The following MCF2L variants were observed in gnomAD, a reference collection of about 807,000 sequenced individuals.
MCF2L encodes the protein guanine nucleotide exchange factor DBS.
A neutral mutation model predicts 153.4 loss-of-function variants in MCF2L; 97 were observed. That is an observed-to-expected ratio of 0.63 (90% confidence interval 0.54 to 0.75). The LOEUF (loss-of-function observed/expected upper bound fraction) is 0.75. Ranked by LOEUF, MCF2L falls within the 30% of genes least tolerant of loss-of-function variation. The pLI, the probability that MCF2L is intolerant of heterozygous loss-of-function variation, is 0.00. For missense variants in MCF2L, 1,347 were observed against 1,495.2 expected (o/e 0.90, Z 1.64); for synonymous variants, 659 against 632.2 (o/e 1.04, Z -0.64).
intron 2 of MCF2L, among the ~76,000 whole-genome samples, chr13:112,933,125 GCCGACAGCCTTCTGGGAGA>G (rs2081480472): frequency 6.6e-6 from 1 of 152,220 alleles, no homozygotes. Context: ...GGAGTGCTGG[GCCGACAGCCTTCTGGGAGA>G]CCCACAGCCT....
chr13:112,975,613 G>A (rs551011896), intron 1 of MCF2L, among the ~76,000 whole-genome samples: 1 of 152,382 alleles, frequency 6.6e-6, no homozygotes, highest in Admixed American at 6.5e-5. Context: ...CCCGCCATGA[G>A]CACCTGTGCA....
rs2035814125 is a variant in MCF2L, at chr13:113,098,748, A to G, written c.*1889A>G. On this transcript the variant is annotated 3_prime_UTR_variant, in exon 30 of 30. Transcript: ENST00000535094. ...ACGGCGATGATGACAAAATAGCAAC[A>G]AGGTTGTGCGTGTCAGAAACGCAAA... The G allele has an allele frequency of 6.6e-6, 1 of 152,270 alleles. No homozygotes were observed. Among genetic ancestry groups the G allele is most frequent in the Non-Finnish European group, 1.5e-5 (1 of 68,044 alleles). 9.4% of individuals were successfully genotyped at this position (152,270 alleles called of 1,614,324 possible).
At chr13:113,019,375 A>G (rs755568186) in intron 2 of MCF2L, among the ~76,000 whole-genome samples, 11 of 152,176 alleles carry the variant, frequency 7.2e-5, no homozygotes, top group Non-Finnish European at 1.3e-4. Flanking sequence ...CCAACCTGGG[A>G]GGACCGATCC....
At chr13:112,922,616 T>C (rs2081363833) in intron 2 of MCF2L, among the ~76,000 whole-genome samples, 1 of 152,094 alleles carries the variant, frequency 6.6e-6, no homozygotes, top group Non-Finnish European at 1.5e-5. Flanking sequence ...GCAGATTGCC[T>C]GAGCTCAGGA....
intron 4 of MCF2L, among the ~76,000 whole-genome samples, chr13:113,057,928 GTTGGGTGCTGAGTGT>G (rs1406200957): frequency 2.1e-5 from 3 of 141,832 alleles, no homozygotes; most frequent in Non-Finnish European, 4.6e-5. Flanking sequence ...GGTGCTGAGT[GTTGGGTGCTGAGTGT>G]TTGGGTGCTG....
At chr13:112,978,227 C>G (rs775934381) in intron 1 of MCF2L, among the ~76,000 whole-genome samples, 3 of 152,238 alleles carry the variant, frequency 2.0e-5, no homozygotes, top group Non-Finnish European at 4.4e-5. Flanking sequence ...TTCGTGGTCT[C>G]TGCTCCTGGG....
At chr13:113,012,055 CA>C (rs2084171040) in intron 1 of MCF2L, among the ~76,000 whole-genome samples, 1 of 109,452 alleles carries the variant, frequency 9.1e-6, no homozygotes, top group African/African-American at 3.3e-5. Context: ...GTGGACACTG[CA>C]GTGTGAATGG....
rs1594578702 is a variant in MCF2L at position 113,001,696 on chromosome 13, C to T, written c.80-13067C>T. 18 of 1,351,464 alleles carry T rather than the reference C, an allele frequency of 1.3e-5. No homozygotes were observed. The Admixed American group carries it at 1.5e-4, about 11-fold the overall frequency. 83.7% of individuals were successfully genotyped at this position (1,351,464 alleles called of 1,614,324 possible). A position where few individuals can be genotyped will look rare whatever the true frequency, so the allele number is the denominator to read the frequency against. ...GCTGCCTGCAGCAGGATAAGTGAGC[C>T]GATGCTGCTCCTTAATCAGGGACAT... On this transcript the variant is annotated intron_variant, in intron 1 of 29. Transcript: ENST00000535094.
At chr13:112,942,153 C>G (rs2081581726) in intron 2 of MCF2L, among the ~76,000 whole-genome samples, 1 of 152,228 alleles carries the variant, frequency 6.6e-6, no homozygotes, top group Non-Finnish European at 1.5e-5. Flanking sequence ...ATCTGGAGGC[C>G]TAACCGTCTC....
At chr13:113,063,322 G>T (rs1414652077) in intron 5 of MCF2L, among the ~76,000 whole-genome samples, 1 of 152,124 alleles carries the variant, frequency 6.6e-6, no homozygotes, top group African/African-American at 2.4e-5. Context: ...CATCCGCTCA[G>T]CTGCCTACAG....
intron 1 of MCF2L, chr13:113,009,241 C>G (rs1304229282): frequency 6.6e-6 from 1 of 152,238 alleles, no homozygotes; most frequent in Non-Finnish European, 1.5e-5. Context: ...TCCCTGATCA[C>G]CGCTTCTTTT....
intron 2 of MCF2L, among the ~76,000 whole-genome samples, chr13:112,933,128 G>A (rs3011485): frequency 6.6e-6 from 1 of 152,262 alleles, no homozygotes; most frequent in South Asian, 2.1e-4. Context: ...GTGCTGGGCC[G>A]ACAGCCTTCT....
At chr13:112,954,105 C>T (rs1309452300) in intron 2 of MCF2L, among the ~76,000 whole-genome samples, 1 of 152,196 alleles carries the variant, frequency 6.6e-6, no homozygotes, top group African/African-American at 2.4e-5. Context: ...GGAATGTGCA[C>T]TCATCCTGGG....
intron 7 of MCF2L, 107 bp from the exon 8 acceptor site, chr13:113,065,939 T>C: frequency 8.1e-7 from 1 of 1,228,896 alleles, no homozygotes. Context: ...GATTGACCCC[T>C]TCCTCAGTCC....
intron 2 of MCF2L, among the ~76,000 whole-genome samples, chr13:112,962,020 C>T (rs890144943): frequency 6.6e-6 from 1 of 151,560 alleles, no homozygotes; most frequent in African/African-American, 2.4e-5. Flanking sequence ...TACACATGGG[C>T]TCACACCCAG....
chr13:113,087,890 T>C (rs1320188041), intron 23 of MCF2L, 91 bp downstream of exon 23: 2 of 1,141,998 alleles, frequency 1.8e-6, no homozygotes, highest in East Asian at 4.9e-5. Context: ...TGAAGTTGCA[T>C]CGAGCCCAGG....
chr13:113,050,959 G>C (rs972098657), intron 4 of MCF2L, among the ~76,000 whole-genome samples: 3 of 152,054 alleles, frequency 2.0e-5, no homozygotes, highest in African/African-American at 7.2e-5. Flanking sequence ...TGCCCCTCTC[G>C]GAAGAGGCGA....
chr13:112,946,404 T>A (rs1240694691), intron 2 of MCF2L, among the ~76,000 whole-genome samples: 2 of 152,234 alleles, frequency 1.3e-5, no homozygotes, highest in Non-Finnish European at 2.9e-5. Flanking sequence ...TTTGTTTAAT[T>A]TTTAAAACCT....
intron 1 of MCF2L, among the ~76,000 whole-genome samples, chr13:113,005,311 C>T (rs756164974): frequency 8.5e-5 from 13 of 152,318 alleles, no homozygotes; most frequent in East Asian, 1.9e-4. Flanking sequence ...GTGTCAGAGA[C>T]GCCGACAAGC....
Sources: gnomAD v4.1 joint callset for allele counts (sites outside exome capture counted in the v4.1 genomes callset) on GRCh38, gnomAD v4.1.1 for gene constraint, MANE v1.5 for transcripts, NCBI Gene and HGNC (gene_info 2026-07-23, HGNC 2026-07-21) for gene names.